ADARB2: variants seen among roughly 807,000 people sequenced by gnomAD.
ADARB2 encodes the protein adenosine deaminase RNA specific B2 (inactive).
A neutral mutation model predicts 62.2 loss-of-function variants in ADARB2; 25 were observed. The observed-to-expected ratio is 0.40, with a 90% CI of 0.29 to 0.56. ADARB2 has a LOEUF of 0.56. Among genes scored for constraint, ADARB2 ranks in the 20% least tolerant of loss-of-function variants. The pLI is 0.43. For synonymous variants in ADARB2, 572 were observed against 500.8 expected (o/e 1.14, Z -1.90); for missense variants, 1,071 against 1,077.4 (o/e 0.99, Z 0.08).
At chr10:1,322,193 A>C (rs1209966180) in intron 3 of ADARB2, among the ~76,000 whole-genome samples, 3 of 152,188 alleles carry the variant, frequency 2.0e-5, no homozygotes, top group African/African-American at 7.2e-5. Flanking sequence ...AGAGATGGAT[A>C]TAATTTCGGA....
chr10:1,484,287 A>G (rs1831515310), intron 1 of ADARB2, among the ~76,000 whole-genome samples: 1 of 152,264 alleles, frequency 6.6e-6, no homozygotes, highest in Non-Finnish European at 1.5e-5. Flanking sequence ...TTTCTTGGGC[A>G]CACAATTTTC....
At chr10:1,550,268 C>G (rs1031779785) in intron 1 of ADARB2, among the ~76,000 whole-genome samples, 1 of 152,188 alleles carries the variant, frequency 6.6e-6, no homozygotes, top group Non-Finnish European at 1.5e-5. Context: ...TTAAGCACCT[C>G]CTTGTTGCTT....
chr10:1,554,250 G>A (rs1832669772), intron 1 of ADARB2, among the ~76,000 whole-genome samples: 2 of 152,126 alleles, frequency 1.3e-5, no homozygotes, highest in South Asian at 2.1e-4. Flanking sequence ...CAGGGGCAGG[G>A]GTGGGCCTGT....
chr10:1,548,969 G>A (rs1331842711), intron 1 of ADARB2, among the ~76,000 whole-genome samples: 1 of 152,174 alleles, frequency 6.6e-6, no homozygotes, highest in Non-Finnish European at 1.5e-5. Context: ...CAGGGGCGGG[G>A]GAGAGAGGCG....
At chr10:1,561,572 G>A (rs974413504) in intron 1 of ADARB2, among the ~76,000 whole-genome samples, 8 of 152,120 alleles carry the variant, frequency 5.3e-5, no homozygotes, top group South Asian at 4.2e-4. Context: ...TGATCATTTC[G>A]GAGCCTTTTC....
intron 1 of ADARB2, among the ~76,000 whole-genome samples, chr10:1,586,848 G>A (rs3916137): frequency 0.18 from 27,448 of 152,044 alleles, 2,977 homozygotes; most frequent in East Asian, 0.47. Flanking sequence ...TATATAAAAC[G>A]CCTCCTTTAT....
intron 1 of ADARB2, among the ~76,000 whole-genome samples, chr10:1,405,678 A>T (rs947647001): frequency 3.3e-5 from 5 of 151,652 alleles, no homozygotes; most frequent in African/African-American, 1.2e-4. Context: ...TGGGAAATGT[A>T]CCAGAATCCA....
intron 1 of ADARB2, among the ~76,000 whole-genome samples, chr10:1,423,522 A>AC (rs1564285819): frequency 6.6e-6 from 1 of 152,006 alleles, no homozygotes; most frequent in Non-Finnish European, 1.5e-5. Context: ...TACTCTTCCT[A>AC]GGCCTAGTTG....
At position 1,688,924 on chromosome 10, in the gene ADARB2, C is replaced by T. The variant is rs147007039; in HGVS notation, c.100+48127G>A. ...ATGATTACAAACCAAAAAACATTTT[C>T]ACAAAGAATACAATTATATATATTG... On this transcript the variant is annotated intron_variant, in intron 1 of 9. Coordinates refer to ENST00000381312, the MANE Select transcript of ADARB2 (RefSeq NM_018702.4). Among the ~76,000 whole-genome samples, 16 of 152,262 alleles carry T rather than the reference C, an allele frequency of 1.1e-4. No homozygotes were observed. The East Asian group carries it at 2.9e-3, about 28-fold the overall frequency.
intron 1 of ADARB2, among the ~76,000 whole-genome samples, chr10:1,455,590 A>T (rs1831086422): frequency 6.6e-6 from 1 of 152,212 alleles, no homozygotes; most frequent in Non-Finnish European, 1.5e-5. Context: ...AAAAAAGTTT[A>T]ATGTGTTCGA....
chr10:1,583,195 T>C (rs375391304), intron 1 of ADARB2, among the ~76,000 whole-genome samples: 1 of 56,212 alleles, frequency 1.8e-5, no homozygotes, highest in Non-Finnish European at 4.0e-5. Context: ...CAATATGCAG[T>C]GTTCAAAATT....
rs181030002 is a variant in ADARB2 at position 1,652,648 on chromosome 10, G to T, written c.100+84403C>A. On this transcript the variant is annotated intron_variant, in intron 1 of 9. Coordinates refer to ENST00000381312, the MANE Select transcript of ADARB2 (RefSeq NM_018702.4). ...TTTTGCTACTGGGTAGCATATTGTT[G>T]TTCTTGGTTTGTGTTGACCTTTTCA... is the stretch of plus-strand genomic sequence containing the variant. Among the ~76,000 whole-genome samples the T allele has an allele frequency of 2.0e-5, 3 of 152,324 alleles. No homozygotes were observed. The East Asian group carries it at 5.8e-4, about 29-fold the overall frequency.
At chr10:1,275,515 CTTT>C (rs11447456) in intron 3 of ADARB2, among the ~76,000 whole-genome samples, 1 of 151,090 alleles carries the variant, frequency 6.6e-6, no homozygotes, top group Non-Finnish European at 1.5e-5. Context: ...TCCTTCTTTT[CTTT>C]TTTTTTAATT....
chr10:1,649,383 T>C (rs1834083552), intron 1 of ADARB2, among the ~76,000 whole-genome samples: 1 of 152,186 alleles, frequency 6.6e-6, no homozygotes, highest in Non-Finnish European at 1.5e-5. Context: ...CCACAGGGGA[T>C]ACACTTTTCT....
chr10:1,678,291 G>A lies in ADARB2; in HGVS notation c.100+58760C>T, dbSNP rs759138921. The A allele has an allele frequency of 2.0e-4, 200 of 984,944 alleles. No individual in the cohort carries two copies. The Middle Eastern group carries it at 2.1e-3, about 10-fold the overall frequency. 61.0% of individuals were successfully genotyped at this position (984,944 alleles called of 1,614,324 possible). A position where few individuals can be genotyped will look rare whatever the true frequency, so the allele number is the denominator to read the frequency against. ...GAGGGACCTCGGGGTGAGCGTCCTC[G>A]GGGTGAGCATCCTCAGGGTGAGCGT... On this transcript the variant is annotated intron_variant, in intron 1 of 9. Transcript: ENST00000381312.
At chr10:1,599,222 AG>A (rs1805219173) in intron 1 of ADARB2, among the ~76,000 whole-genome samples, 2 of 152,114 alleles carry the variant, frequency 1.3e-5, no homozygotes, top group African/African-American at 4.8e-5. Context: ...TCAGGGGCTG[AG>A]GGGGTGGAAA....
intron 1 of ADARB2, chr10:1,526,618 G>T (rs1832148116): frequency 2.5e-5 from 6 of 241,250 alleles, no homozygotes; most frequent in South Asian, 1.8e-4. Flanking sequence ...CATCGGCCAC[G>T]AGTGAAGCTT....
At position 1,377,279 on chromosome 10, in the gene ADARB2, G is replaced by A. The variant is rs111207839; in HGVS notation, c.187+1795C>T. 1.9e-3 allele frequency among the ~76,000 whole-genome samples: 272 copies of A among 145,720 alleles called. 3 individuals carry two copies. The highest frequency in any genetic ancestry group is 6.7e-3 in the African/African-American group (260 of 38,844). ...GTGTGTTTGTGTGTGCCCCTGGGGTGTGTGTATGTGCGTGTGCTCCTGGGG... is the reference window on the plus strand; with the variant it reads ...GTGTGTTTGTGTGTGCCCCTGGGGTATGTGTATGTGCGTGTGCTCCTGGGG... On this transcript the variant is annotated intron_variant, in intron 2 of 9. Coordinates refer to ENST00000381312, the MANE Select transcript of ADARB2 (RefSeq NM_018702.4).
At chr10:1,545,800 C>T (rs975810832) in intron 1 of ADARB2, among the ~76,000 whole-genome samples, 5 of 152,182 alleles carry the variant, frequency 3.3e-5, no homozygotes, top group Admixed American at 6.5e-5. Flanking sequence ...AGTCAGTGCC[C>T]TGCACTCTCT....
Sources: allele counts gnomAD v4.1 joint callset (sites outside exome capture counted in the v4.1 genomes callset), GRCh38; gene constraint gnomAD v4.1.1; transcripts MANE v1.5; gene names NCBI Gene and HGNC (gene_info 2026-07-23, HGNC 2026-07-21).